MRPL20: variants seen among roughly 807,000 people sequenced by gnomAD.
The protein encoded by MRPL20 is large ribosomal subunit protein bL20m.
Under a neutral mutation model 20.0 loss-of-function variants are expected in MRPL20, and 21 were observed. The observed-to-expected ratio is 1.05, with a 90% confidence interval of 0.74 to 1.51. The LOEUF (loss-of-function observed/expected upper bound fraction) is 1.51. MRPL20 is among the 40% of genes most tolerant of loss of function. The pLI, the probability that MRPL20 is intolerant of heterozygous loss-of-function variation, is 0.00. For synonymous variants in MRPL20, 104 were observed against 73.0 expected, an observed-to-expected ratio of 1.43 and a Z score of -2.17; for missense variants, 252 against 185.6, an observed-to-expected ratio of 1.36 and a Z score of -2.08.
rs749088096 is a variant in MRPL20 at position 1,407,195 on chromosome 1, A to T, written c.23T>A (p.Leu8His). Residue 8 changes from leucine (L) to histidine (H), a missense_variant, in exon 1 of 4, where the codon CTC becomes CAC. Coordinates refer to ENST00000344843, the MANE Select transcript of MRPL20 (RefSeq NM_017971.4). ...GTCGGTGACGCGATTCCGCAGCCAG[A>T]GCTGCGCGGTGAGGAAGACCATGGC... MVFLTAQ[L>H]WLRNRVTDRY... The T allele has an allele frequency of 5.0e-6, 8 of 1,605,654 alleles. No individual in the cohort carries two copies. Among genetic ancestry groups the T allele is most frequent in the Non-Finnish European group, 6.8e-6 (8 of 1,176,540 alleles).
At position 1,403,325 on chromosome 1, in the gene MRPL20, G is replaced by A. The variant is rs184303544; in HGVS notation, c.277-1069C>T. Among the ~76,000 whole-genome samples the A allele has an allele frequency of 3.7e-3, 559 of 151,020 alleles. 5 individuals carry two copies. Among genetic ancestry groups the A allele is most frequent in the Middle Eastern group, 0.014 (4 of 290 alleles). Reference sequence around the variant, plus strand: ...GTGGTGCGATCTCAGCTCATTGCAAGCTCCACCTCCCAGGTTCATGCCATT... The same window carrying A: ...GTGGTGCGATCTCAGCTCATTGCAAACTCCACCTCCCAGGTTCATGCCATT... On this transcript the variant is annotated intron_variant, in intron 3 of 3. Transcript: ENST00000344843.
At position 1,405,861 on chromosome 1, in the gene MRPL20, G is replaced by A. The variant is rs1333691467; in HGVS notation, c.224C>T (p.Ala75Val). 5.0e-6 allele frequency: 8 copies of A among 1,613,656 alleles called. No homozygotes were observed. The highest frequency in any genetic ancestry group is 4.2e-6 in the Non-Finnish European group (5 of 1,179,710). ...RTLWINRITA[A>V]SQEHGLKYPA... ...ATACTTCAGTCCATGTTCCTGGCTA[G>A]CAGCTGTAATTCGATTAATCCAGAG... Residue 75 changes from alanine (A) to valine (V), a missense_variant, in exon 3 of 4, where the codon GCT (alanine) becomes GTT (valine). Physicochemically the swap from Ala to Val is moderately conservative, Grantham distance 64. Transcript: ENST00000344843.
intron 2 of MRPL20, 63 bp downstream of exon 2, chr1:1,406,846 G>C: frequency 7.0e-7 from 1 of 1,430,508 alleles, no homozygotes; most frequent in Admixed American, 1.7e-5. Context: ...TAGCTGGGTC[G>C]CGGCGCAGAA....
chr1:1,406,858 C>CG (rs779483433), intron 2 of MRPL20, 51 bp downstream of exon 2: 13 of 1,512,122 alleles, frequency 8.6e-6, no homozygotes, highest in Non-Finnish European at 1.2e-5. Context: ...GGCGCAGAAA[C>CG]GCAGGGGCCG....
chr1:1,402,511 G>T (rs1479994822), intron 3 of MRPL20: 6 of 1,237,364 alleles, frequency 4.8e-6, no homozygotes, highest in African/African-American at 3.1e-5. Flanking sequence ...TCGGCCCGGG[G>T]AACCAAACAC....
intron 2 of MRPL20, chr1:1,406,644 C>T: frequency 2.0e-6 from 1 of 505,080 alleles, no homozygotes; most frequent in Non-Finnish European, 3.6e-6. Context: ...CGGTGGCTGG[C>T]GACGCAGGGA....
chr1:1,402,808 C>A (rs944199689), intron 3 of MRPL20, among the ~76,000 whole-genome samples: 1 of 152,024 alleles, frequency 6.6e-6, no homozygotes, highest in Non-Finnish European at 1.5e-5. Context: ...CATGGAGAAA[C>A]CCTGTCTGTA....
rs1453655061 is a variant in MRPL20, at chr1:1,406,959, A to C, written c.148T>G (p.Phe50Val). The C allele has an allele frequency of 5.6e-6, 9 of 1,613,828 alleles. No homozygotes were observed. Among genetic ancestry groups the C allele is most frequent in the Non-Finnish European group, 7.6e-6 (9 of 1,179,780 alleles). ...RLAVRTVIRA[F>V]VKCTKARYLK... The stretch of plus-strand genomic sequence containing the variant: ...TATCGGGCTTTGGTGCATTTCACAA[A>C]GGCTCGAATCACGGTTCTGACCGCC... Residue 50 changes from phenylalanine (F) to valine (V), a missense_variant, in exon 2 of 4, where the codon TTT (phenylalanine) becomes GTT (valine). Physicochemically the swap from Phe to Val is conservative, Grantham distance 50. Transcript: ENST00000344843.
chr1:1,405,298 C>G (rs537918598), intron 3 of MRPL20: 1 of 249,798 alleles, frequency 4.0e-6, no homozygotes, highest in Admixed American at 5.2e-5. Flanking sequence ...TTCTGTCAGA[C>G]GGGGTCCTGC....
At chr1:1,405,728 T>G in intron 3 of MRPL20, 81 bp downstream of exon 3, 1 of 1,611,990 alleles carries the variant, frequency 6.2e-7, no homozygotes, top group South Asian at 1.1e-5. Flanking sequence ...TAGCTGGGAC[T>G]ACAGGAAGCA....
In MRPL20 at chr1:1,405,256, T is replaced by C. The variant is rs181743535; in HGVS notation, c.276+553A>G. On this transcript the variant is annotated intron_variant, in intron 3 of 3. Transcript: ENST00000344843. Reference sequence around the variant, plus strand: ...TCCCAAAGTGCTGGGATCACAGGCCTGAGCCACCCTGCCCAGCCATGGCTT... The same window carrying C: ...TCCCAAAGTGCTGGGATCACAGGCCCGAGCCACCCTGCCCAGCCATGGCTT... 674 of 188,362 alleles carry C rather than the reference T, an allele frequency of 3.6e-3. 2 individuals carry two copies. Among genetic ancestry groups the C allele is most frequent in the African/African-American group, 0.015 (638 of 42,534 alleles). The allele number at this position is 188,362 out of a possible 1,614,324, so 11.7% of individuals were successfully genotyped here.
At position 1,407,191 on chromosome 1, in the gene MRPL20, C is replaced by G; in HGVS notation, c.27G>C (p.Trp9Cys). The part of the protein sequence containing the change: MVFLTAQL[W>C]LRNRVTDRYF... ...AGCGGTCGGTGACGCGATTCCGCAG[C>G]CAGAGCTGCGCGGTGAGGAAGACCA... The change falls in exon 1 of 4, where the codon TGG becomes TGC. Residue 9 changes from tryptophan to cysteine, a missense_variant. By Grantham distance (215) the Trp-to-Cys change is radical. Coordinates refer to ENST00000344843, the MANE Select transcript of MRPL20 (RefSeq NM_017971.4). The G allele has an allele frequency of 6.2e-7, 1 of 1,606,198 alleles. No homozygotes were observed. Among genetic ancestry groups the G allele is most frequent in the Non-Finnish European group, 8.5e-7 (1 of 1,176,772 alleles).
Position 1,405,801 on chromosome 1 carries a change from A to G in MRPL20, c.276+8T>C, listed in dbSNP as rs1213852849. 5 of 1,613,896 alleles carry G rather than the reference A, an allele frequency of 3.1e-6. No homozygotes were observed. The South Asian group carries it at 5.5e-5, about 18-fold the overall frequency. ...GAATTTCAGTGGGACCCACATACTCACCCATACCTTAACTAAATTCCCAAT... is the reference window on the plus strand; with the variant it reads ...GAATTTCAGTGGGACCCACATACTCGCCCATACCTTAACTAAATTCCCAAT... On this transcript the variant is annotated splice_region_variant and intron_variant, in intron 3 of 3. Transcript: ENST00000344843.
chr1:1,404,410 T>A (rs1387080432), intron 3 of MRPL20, among the ~76,000 whole-genome samples: 2 of 152,040 alleles, frequency 1.3e-5, no homozygotes, highest in East Asian at 3.8e-4. Context: ...TGCCTCAGCC[T>A]CCCAAAGTGC....
chr1:1,405,782 C>T (rs1645378004), intron 3 of MRPL20, 27 bp downstream of exon 3: 1 of 1,614,140 alleles, frequency 6.2e-7, no homozygotes, highest in Non-Finnish European at 8.5e-7. Flanking sequence ...TCCAGAATTT[C>T]AGTGGGACCC....
Position 1,402,230 on chromosome 1 carries a change from G to T in MRPL20, c.303C>A (p.Val101=). 1 of 1,613,270 alleles carries T rather than the reference G, an allele frequency of 6.2e-7. No homozygotes were observed. Residue 101 remains valine, a synonymous_variant, in exon 4 of 4, where the codon GTC becomes GTA. Transcript: ENST00000344843. ...VKCQVELNRK[V]LADLAIYEPK... ...GCTCGTAGATGGCCAGATCCGCTAG[G>T]ACTTTCCTGTTGAGCTCCACCTGGC... is the stretch of plus-strand genomic sequence containing the variant.
chr1:1,406,872 G>C lies in MRPL20; in HGVS notation c.198+37C>G, dbSNP rs550179020. 9 of 1,567,916 alleles carry C rather than the reference G, an allele frequency of 5.7e-6. No homozygotes were observed. The African/African-American group carries it at 6.8e-5, about 12-fold the overall frequency. On this transcript the variant is annotated intron_variant, in intron 2 of 3. Coordinates refer to ENST00000344843, the MANE Select transcript of MRPL20 (RefSeq NM_017971.4). ...CGGCGCAGAAACGCAGGGGCCGCGA[G>C]TGCGCTGGCCGGCGGGTGTCCCGGG... is the stretch of plus-strand genomic sequence containing the variant.
intron 3 of MRPL20, among the ~76,000 whole-genome samples, chr1:1,404,903 G>A (rs546458233): frequency 6.6e-6 from 1 of 152,218 alleles, no homozygotes; most frequent in East Asian, 1.9e-4. Context: ...CACCAAGACA[G>A]AGTGCAGCTA....
rs763043009 is a variant in MRPL20, at chr1:1,407,229, G to C, written c.-12C>G. On this transcript the variant is annotated 5_prime_UTR_variant, in exon 1 of 4. Coordinates refer to ENST00000344843, the MANE Select transcript of MRPL20 (RefSeq NM_017971.4). Reference sequence around the variant, plus strand: ...GTGAGGAAGACCATGGCGCCTGCAGGCCGGCGTCCCGAACACTCAACAACG... The same window carrying C: ...GTGAGGAAGACCATGGCGCCTGCAGCCCGGCGTCCCGAACACTCAACAACG... 5 of 1,587,732 alleles carry C rather than the reference G, an allele frequency of 3.1e-6. No homozygotes were observed. In the East Asian group the frequency reaches 1.2e-4, roughly 37 times the overall value.
Sources: allele counts gnomAD v4.1 joint callset (sites outside exome capture counted in the v4.1 genomes callset), GRCh38; gene constraint gnomAD v4.1.1; transcripts MANE v1.5; gene names NCBI Gene and HGNC (gene_info 2026-07-23, HGNC 2026-07-21).